The following RNASEH2B variants were observed in gnomAD, a reference collection of about 807,000 sequenced individuals.
RNASEH2B encodes ribonuclease H2 subunit B, also known as Aicardi-Goutieres syndrome 2 protein.
A neutral mutation model predicts 45.0 loss-of-function variants in RNASEH2B; 36 were observed. The ratio of observed to expected loss-of-function variants is 0.80; its 90% CI spans 0.61 to 1.06. The LOEUF (loss-of-function observed/expected upper bound fraction) is 1.06, where lower values mean the gene tolerates loss of function less well. Ranked by LOEUF, RNASEH2B falls within the 50% of genes least tolerant of loss-of-function variation. The pLI, the probability that RNASEH2B is intolerant of heterozygous loss-of-function variation, is 0.00. For missense variants in RNASEH2B, 361 were observed against 360.3 expected, an observed-to-expected ratio of 1.00 and a Z score of -0.02; for synonymous variants, 119 against 125.7, an observed-to-expected ratio of 0.95 and a Z score of 0.35.
At chr13:50,918,202 A>G (rs1167817940) in intron 1 of RNASEH2B, among the ~76,000 whole-genome samples, 3 of 152,088 alleles carry the variant, frequency 2.0e-5, no homozygotes, top group African/African-American at 7.2e-5. Flanking sequence ...CAGTGGCACG[A>G]TCTCGGCTCA....
chr13:50,947,565 ATTAGAT>A (rs1017850314), intron 7 of RNASEH2B, among the ~76,000 whole-genome samples: 1 of 150,324 alleles, frequency 6.7e-6, no homozygotes, highest in Non-Finnish European at 1.5e-5. Context: ...CTGTTGAATA[ATTAGAT>A]TTATTCTTTA....
At chr13:50,954,232 G>A in intron 10 of RNASEH2B, 2 of 605,120 alleles carry the variant, frequency 3.3e-6, no homozygotes, top group Admixed American at 5.8e-5. Context: ...ATTTTGCTAT[G>A]TATTCATAGA....
At chr13:50,928,172 A>C (rs1012611017) in intron 2 of RNASEH2B, among the ~76,000 whole-genome samples, 1 of 152,090 alleles carries the variant, frequency 6.6e-6, no homozygotes, top group African/African-American at 2.4e-5. Context: ...TCTGTGTGTA[A>C]TTGTTTTTCC....
intron 10 of RNASEH2B, 62 bp from the exon 11 acceptor site, chr13:50,956,296 T>TGATTAA (rs2138026915): frequency 1.5e-6 from 2 of 1,334,646 alleles, no homozygotes; most frequent in South Asian, 2.6e-5. Flanking sequence ...TTCTTTGATT[T>TGATTAA]CCATATATGA....
downstream of RNASEH2B, among the ~76,000 whole-genome samples, chr13:50,960,578 A>AT (rs759701186): frequency 8.5e-5 from 13 of 152,206 alleles, no homozygotes; most frequent in Non-Finnish European, 1.6e-4. Flanking sequence ...TGAGGTGTCT[A>AT]TAAAGTTTTT....
intron 10 of RNASEH2B, chr13:50,955,481 A>C (rs1238201080): frequency 6.6e-6 from 1 of 152,224 alleles, no homozygotes; most frequent in Non-Finnish European, 1.5e-5. Flanking sequence ...AATGCACCAG[A>C]TAAGTCTGAA....
intron 9 of RNASEH2B, among the ~76,000 whole-genome samples, chr13:50,968,080 A>G (rs1952182957): frequency 6.6e-6 from 1 of 152,180 alleles, no homozygotes; most frequent in Non-Finnish European, 1.5e-5. Flanking sequence ...CCTGTGTTTC[A>G]TAGTATTTTT....
chr13:50,943,359 A>G lies in RNASEH2B; in HGVS notation c.475A>G (p.Ser159Gly). The change falls in exon 6 of 11, where the codon AGC becomes GGC. Residue 159 changes from serine (S) to glycine (G), a missense_variant. Physicochemically the swap from Ser to Gly is moderately conservative, Grantham distance 56. Transcript: ENST00000336617. ...AGACAACAAGAAATATTACAAGTAC[A>G]GCAAAGAGAAGACATTAAAGTGGCT... ...EIDNKKYYKY[S>G]KEKTLKWLEK... 1.9e-6 allele frequency: 3 copies of G among 1,606,250 alleles called. No individual in the cohort carries two copies. The highest frequency in any genetic ancestry group is 2.6e-6 in the Non-Finnish European group (3 of 1,172,958).
intron 1 of RNASEH2B, among the ~76,000 whole-genome samples, chr13:50,926,063 G>A (rs1338823914): frequency 6.6e-6 from 1 of 151,740 alleles, no homozygotes; most frequent in Non-Finnish European, 1.5e-5. Flanking sequence ...CATATATTTT[G>A]TCTGGTGTTT....
rs1398493827 is a variant in RNASEH2B at position 50,963,227 on chromosome 13, C to T, written c.742-6705C>T. Among the ~76,000 whole-genome samples the T allele has an allele frequency of 1.2e-4, 19 of 152,200 alleles. 1 individual carries two copies. The East Asian group carries it at 3.3e-3, about 26-fold the overall frequency. On this transcript the variant is annotated intron_variant, in intron 9 of 9. Transcript: ENST00000422660. ...TTGCCCAGGCTGGAGTGCAATGGCA[C>T]AATCTCAGCTCGCTGCAACTTCCGC...
At chr13:50,955,108 T>C (rs1389665137) in intron 10 of RNASEH2B, 1 of 152,228 alleles carries the variant, frequency 6.6e-6, no homozygotes, top group Non-Finnish European at 1.5e-5. Context: ...TTTTTAACAG[T>C]GTTAAATTTT....
downstream of RNASEH2B, among the ~76,000 whole-genome samples, chr13:50,958,158 G>T (rs1407400432): frequency 6.6e-6 from 1 of 152,122 alleles, no homozygotes; most frequent in African/African-American, 2.4e-5. Context: ...GTCATAAATT[G>T]TTTGCCAAGG....
intron 1 of RNASEH2B, among the ~76,000 whole-genome samples, chr13:50,926,625 A>G (rs1380219256): frequency 6.6e-6 from 1 of 152,184 alleles, no homozygotes; most frequent in East Asian, 1.9e-4. Context: ...GGTTAAAAAT[A>G]TAATTTCTAA....
In RNASEH2B at chr13:50,930,686, G is replaced by A. The variant is rs1951668772; in HGVS notation, c.248G>A (p.Gly83Asp). 2 of 1,610,364 alleles carry A rather than the reference G, an allele frequency of 1.2e-6. No homozygotes were observed. Residue 83 changes from glycine to aspartate, a missense_variant, in exon 4 of 11, where the codon GGT (glycine) becomes GAT (aspartate). Gly to Asp is a moderately conservative substitution (Grantham distance 94, BLOSUM62 -1). Transcript: ENST00000336617. The part of the protein sequence containing the change: ...WFINQSVQSG[G>D]LLHFATPVDP... ...TCATCCTTTTTGTAATCTGCAGGAG[G>A]TCTTCTCCATTTTGCCACACCTGTG... is the stretch of plus-strand genomic sequence containing the variant.
intron 4 of RNASEH2B, among the ~76,000 whole-genome samples, chr13:50,932,223 G>T (rs540303110): frequency 6.6e-6 from 1 of 152,226 alleles, no homozygotes; most frequent in South Asian, 2.1e-4. Context: ...AAATAAAAAT[G>T]ATATCCATGA....
chr13:50,957,582 G>C (rs1952068090), downstream of RNASEH2B, among the ~76,000 whole-genome samples: 1 of 152,016 alleles, frequency 6.6e-6, no homozygotes, highest in Admixed American at 6.6e-5. Context: ...GTATCTTTTT[G>C]GTAGAATAAT....
At chr13:50,942,162 G>A (rs1393615291) in intron 5 of RNASEH2B, 1 of 152,236 alleles carries the variant, frequency 6.6e-6, no homozygotes, top group Non-Finnish European at 1.5e-5. Context: ...GGACAGAGGA[G>A]GCTGGAATAG....
chr13:50,969,856 T>C, intron 9 of RNASEH2B: 2 of 1,406,136 alleles, frequency 1.4e-6, no homozygotes, highest in Non-Finnish European at 2.0e-6. Flanking sequence ...TTCTAGGAGC[T>C]GCAGATGGTG....
chr13:50,930,449 G>T (rs1951663167), intron 3 of RNASEH2B, among the ~76,000 whole-genome samples: 1 of 152,096 alleles, frequency 6.6e-6, no homozygotes, highest in South Asian at 2.1e-4. Context: ...CAATTTCAGG[G>T]TCTTGGTTCT....
Sources: gnomAD v4.1 joint callset for allele counts (sites outside exome capture counted in the v4.1 genomes callset) on GRCh38, gnomAD v4.1.1 for gene constraint, MANE v1.5 for transcripts, NCBI Gene and HGNC (gene_info 2026-07-23, HGNC 2026-07-21) for gene names.